The following CLVS1 variants were observed in gnomAD, a reference collection of about 807,000 sequenced individuals.
The protein encoded by CLVS1 is clavesin-1.
CLVS1 carries 10 observed loss-of-function variants against 33.1 expected under a neutral mutation model. That is an observed-to-expected ratio of 0.30 (90% CI 0.19 to 0.51). CLVS1 has a LOEUF of 0.51. Among genes scored for constraint, CLVS1 ranks in the 20% least tolerant of loss-of-function variants. The pLI, the probability that CLVS1 is intolerant of heterozygous loss-of-function variation, is 0.97. For synonymous variants in CLVS1, 163 were observed against 166.1 expected, an observed-to-expected ratio of 0.98 and a Z score of 0.14; for missense variants, 343 against 433.4, an observed-to-expected ratio of 0.79 and a Z score of 1.85.
At chr8:60,999,505 G>T in the CLVS1 span, among the ~76,000 whole-genome samples, 1 of 152,156 alleles carries the variant, frequency 6.6e-6, no homozygotes, top group Non-Finnish European at 1.5e-5. Flanking sequence ...TGGAGCCAGT[G>T]ATCATCTCCA....
At chr8:61,385,979 C>A (rs1814069259) in intron 3 of CLVS1, among the ~76,000 whole-genome samples, 1 of 152,298 alleles carries the variant, frequency 6.6e-6, no homozygotes, top group East Asian at 1.9e-4. Flanking sequence ...TTTTTTGTTG[C>A]ATTTTTTAAC....
chr8:61,171,403 T>G (rs1806993597), intron 2 of CLVS1, among the ~76,000 whole-genome samples: 1 of 152,194 alleles, frequency 6.6e-6, no homozygotes, highest in South Asian at 2.1e-4. Flanking sequence ...TTCATATCTT[T>G]GGAATATAAC....
intron 2 of CLVS1, among the ~76,000 whole-genome samples, chr8:61,322,142 G>A (rs78788272): frequency 6.6e-6 from 1 of 152,316 alleles, no homozygotes; most frequent in Non-Finnish European, 1.5e-5. Flanking sequence ...CTGGCACAGA[G>A]TAGGTGCTCA....
At chr8:61,331,823 T>TTCCTCCACCTCCTCC (rs1554559765) in intron 2 of CLVS1, among the ~76,000 whole-genome samples, 37 of 142,068 alleles carry the variant, frequency 2.6e-4, no homozygotes, top group African/African-American at 9.3e-4. Context: ...CCTCCTCCTC[T>TTCCTCCACCTCCTCC]TCCTCCTCCT....
chr8:61,492,278 T>A (rs912128244), intron 5 of CLVS1, among the ~76,000 whole-genome samples: 1 of 152,258 alleles, frequency 6.6e-6, no homozygotes, highest in African/African-American at 2.4e-5. Context: ...TAACCTAATG[T>A]ATCCACCTAG....
chr8:61,490,552 C>T (rs1433886868), intron 5 of CLVS1, among the ~76,000 whole-genome samples: 1 of 150,596 alleles, frequency 6.6e-6, no homozygotes, highest in African/African-American at 2.4e-5. Flanking sequence ...CCTGTAGTCC[C>T]AGCTACTCGG....
rs543446966 is a variant in CLVS1, at chr8:61,068,231, A to G, written c.-243+11001A>G. On this transcript the variant is annotated intron_variant, in intron 1 of 2. Transcript: ENST00000522621. ...TATATATATATATGTATGTATGTGT[A>G]TATATATATATATATATGTATATAT... Among the ~76,000 whole-genome samples, 892 of 140,454 alleles carry G rather than the reference A, an allele frequency of 6.4e-3. 28 individuals are homozygous for G. The highest frequency in any genetic ancestry group is 0.018 in the African/African-American group (652 of 35,912). The allele number at this position is 140,454 out of a possible 152,430, so 92.1% of individuals were successfully genotyped here.
At chr8:61,402,909 A>G (rs1425980331) in intron 3 of CLVS1, among the ~76,000 whole-genome samples, 2 of 152,244 alleles carry the variant, frequency 1.3e-5, no homozygotes, top group African/African-American at 4.8e-5. Flanking sequence ...GGAGAGGCAG[A>G]CAAAAAAACA....
chr8:61,411,593 A>G (rs1815227810), intron 3 of CLVS1, among the ~76,000 whole-genome samples: 1 of 152,226 alleles, frequency 6.6e-6, no homozygotes, highest in Non-Finnish European at 1.5e-5. Flanking sequence ...GTCATTTTTA[A>G]GAACCTCAGG....
At chr8:61,031,174 T>C in the CLVS1 span, among the ~76,000 whole-genome samples, 1 of 152,202 alleles carries the variant, frequency 6.6e-6, no homozygotes, top group Non-Finnish European at 1.5e-5. Flanking sequence ...GCCTGGTGCC[T>C]GGGCAGCCTA....
the CLVS1 span, among the ~76,000 whole-genome samples, chr8:61,040,187 T>C: frequency 2.0e-5 from 3 of 152,268 alleles, no homozygotes; most frequent in East Asian, 5.8e-4. Flanking sequence ...TTCTTTTTAA[T>C]GTCTGCATAG....
chr8:61,180,741 A>G (rs939368652), intron 2 of CLVS1, among the ~76,000 whole-genome samples: 2 of 152,242 alleles, frequency 1.3e-5, no homozygotes, highest in African/African-American at 4.8e-5. Context: ...CAGAAACCAT[A>G]TGATTATCTC....
intron 2 of CLVS1, among the ~76,000 whole-genome samples, chr8:61,240,884 T>A (rs144470475): frequency 6.9e-6 from 1 of 144,060 alleles, no homozygotes; most frequent in Non-Finnish European, 1.5e-5. Flanking sequence ...ATGAATGATG[T>A]TTGCTGTAGG....
At chr8:60,974,197 T>A in the CLVS1 span, among the ~76,000 whole-genome samples, 1 of 152,360 alleles carries the variant, frequency 6.6e-6, no homozygotes, top group South Asian at 2.1e-4. Context: ...CAAATAGTTT[T>A]TTTTAAGCCT....
chr8:61,265,359 A>G (rs1310908136), intron 2 of CLVS1, among the ~76,000 whole-genome samples: 1 of 152,164 alleles, frequency 6.6e-6, no homozygotes, highest in African/African-American at 2.4e-5. Context: ...GTGACTTTGG[A>G]TCAGTTACTT....
At chr8:60,971,643 G>A in the CLVS1 span, among the ~76,000 whole-genome samples, 1 of 152,228 alleles carries the variant, frequency 6.6e-6, no homozygotes, top group African/African-American at 2.4e-5. Flanking sequence ...CTGGGGTCCT[G>A]TGAAAATGAG....
At chr8:61,179,638 C>T (rs1265478800) in intron 2 of CLVS1, among the ~76,000 whole-genome samples, 1 of 152,138 alleles carries the variant, frequency 6.6e-6, no homozygotes, top group Non-Finnish European at 1.5e-5. Context: ...TAATAACAAA[C>T]AGTGTCTCAG....
chr8:61,423,538 T>C (rs1222981150), intron 3 of CLVS1, among the ~76,000 whole-genome samples: 1 of 152,188 alleles, frequency 6.6e-6, no homozygotes, highest in Non-Finnish European at 1.5e-5. Context: ...TGAAACCTTG[T>C]CAGTGTTGCA....
intron 2 of CLVS1, among the ~76,000 whole-genome samples, chr8:61,200,205 A>G (rs942035335): frequency 2.6e-5 from 4 of 152,084 alleles, no homozygotes; most frequent in South Asian, 4.2e-4. Flanking sequence ...TGCAACCTCC[A>G]TCTCCTGAGT....
Sources: allele counts gnomAD v4.1 joint callset (sites outside exome capture counted in the v4.1 genomes callset), GRCh38; gene constraint gnomAD v4.1.1; transcripts MANE v1.5; gene names NCBI Gene and HGNC (gene_info 2026-07-23, HGNC 2026-07-21).